GPC1: variants seen among roughly 807,000 people sequenced by gnomAD.
GPC1 encodes the protein glypican 1, also known as glypican-1.
Under a neutral mutation model 51.5 loss-of-function variants are expected in GPC1, and 26 were observed. The observed-to-expected ratio is 0.50, with a 90% CI of 0.37 to 0.70. The LOEUF (loss-of-function observed/expected upper bound fraction) is 0.70. GPC1 is among the 30% of genes least tolerant of loss of function. The pLI is 0.00. For synonymous variants in GPC1, 380 were observed against 348.3 expected, an observed-to-expected ratio of 1.09 and a Z score of -1.01; for missense variants, 775 against 800.5, an observed-to-expected ratio of 0.97 and a Z score of 0.38.
At chr2:240,463,152 C>T (rs527472663) in intron 3 of GPC1, among the ~76,000 whole-genome samples, 195 bp from the exon 4 acceptor site, 31 of 152,168 alleles carry the variant, frequency 2.0e-4, no homozygotes, top group African/African-American at 6.3e-4. Context: ...CTGTGACCCT[C>T]GAGATCATTA....
chr2:240,436,911 C>G (rs1040433451), intron 1 of GPC1, among the ~76,000 whole-genome samples: 1 of 152,398 alleles, frequency 6.6e-6, no homozygotes, highest in African/African-American at 2.4e-5. Context: ...GCGGCTCTGC[C>G]TCTTCCCTCC....
At chr2:240,465,289 C>CAAGGG in intron 7 of GPC1, 79 bp downstream of exon 7, 1 of 1,465,202 alleles carries the variant, frequency 6.8e-7, no homozygotes, top group Non-Finnish European at 9.2e-7. Flanking sequence ...GTGCTGTCTG[C>CAAGGG]ACGGGGCCAC....
intron 1 of GPC1, chr2:240,457,359 G>C (rs2074175771): frequency 2.2e-6 from 1 of 447,736 alleles, no homozygotes; most frequent in Admixed American, 2.4e-5. Flanking sequence ...CCCAAGCCCG[G>C]ATTCGGGTTC....
chr2:240,446,257 G>A (rs115165383), intron 1 of GPC1, among the ~76,000 whole-genome samples: 1,631 of 152,248 alleles, frequency 0.011, 21 homozygotes, highest in African/African-American at 0.037. Context: ...CCTGCCGTGC[G>A]AGTGAGAGGG....
At chr2:240,458,048 G>A (rs1425065092) in intron 1 of GPC1, 1 of 470,964 alleles carries the variant, frequency 2.1e-6, no homozygotes, top group East Asian at 6.9e-5. Context: ...CCGTCAGTGT[G>A]GAGTCCTGAG....
At chr2:240,456,143 T>TCGG (rs1454456445) in intron 1 of GPC1, 1 of 260,866 alleles carries the variant, frequency 3.8e-6, no homozygotes, top group Non-Finnish European at 7.6e-6. Context: ...GGCTGAGGGG[T>TCGG]CGGCGGGGGA....
chr2:240,437,817 C>T (rs918430235), intron 1 of GPC1, among the ~76,000 whole-genome samples: 1 of 152,228 alleles, frequency 6.6e-6, no homozygotes, highest in East Asian at 1.9e-4. Flanking sequence ...GTCCTCTGGG[C>T]AGTTGCATCC....
intron 1 of GPC1, chr2:240,449,317 C>CT (rs1553545804): frequency 7.0e-6 from 1 of 142,834 alleles, no homozygotes; most frequent in Non-Finnish European, 1.5e-5. Flanking sequence ...GCAGGCGCCC[C>CT]CCCCCACCCC....
intron 1 of GPC1, among the ~76,000 whole-genome samples, chr2:240,447,561 G>A (rs561902103): frequency 3.1e-4 from 47 of 152,336 alleles, no homozygotes; most frequent in South Asian, 2.5e-3. Context: ...ACCCTTGGCC[G>A]AGGGCTGGCT....
rs541416018 is a variant in GPC1 at position 240,459,131 on chromosome 2, C to T, written c.268C>T (p.Arg90Trp). Residue 90 changes from arginine (R) to tryptophan (W), a missense_variant, in exon 2 of 9, where the codon CGG becomes TGG. Arg to Trp is a moderately radical substitution (Grantham distance 101). Transcript: ENST00000264039. ...RSHAELETALRDSSRVLQAML... is the reference protein window; with the variant it reads ...RSHAELETALWDSSRVLQAML... ...CCATGCCGAGCTGGAGACCGCGCTC[C>T]GGGACAGCAGCCGCGTCCTGCAGGC... 56 of 1,612,648 alleles carry T rather than the reference C, an allele frequency of 3.5e-5. No individual in the cohort carries two copies. Among genetic ancestry groups the T allele is most frequent in the African/African-American group, 4.0e-5 (3 of 75,052 alleles).
intron 1 of GPC1, among the ~76,000 whole-genome samples, chr2:240,456,336 T>C (rs1017748066): frequency 6.6e-6 from 1 of 151,608 alleles, no homozygotes; most frequent in Non-Finnish European, 1.5e-5. Flanking sequence ...GGGGAGTGGG[T>C]CCGCCGGGAC....
chr2:240,455,312 G>A (rs2074147798), intron 1 of GPC1, among the ~76,000 whole-genome samples: 1 of 152,210 alleles, frequency 6.6e-6, no homozygotes, highest in Non-Finnish European at 1.5e-5. Flanking sequence ...GAGCGCTGTG[G>A]AAGGATGGGT....
rs934046834 is a variant in GPC1 at position 240,448,856 on chromosome 2, T to C, written c.167-10174T>C. On this transcript the variant is annotated intron_variant, in intron 1 of 8. Transcript: ENST00000264039. The surrounding 1 kb of genome is among the most constrained non-coding windows in gnomAD (Gnocchi z 4.5). The stretch of plus-strand genomic sequence containing the variant: ...AATGGGATAGTCAGGCCAGCGAGGG[T>C]GGCCAGGCCTGACCCTAGTTTTGCA... Among the ~76,000 whole-genome samples the C allele has an allele frequency of 2.0e-5, 3 of 151,964 alleles. No individual in the cohort carries two copies. The highest frequency in any genetic ancestry group is 7.3e-5 in the African/African-American group (3 of 41,340).
chr2:240,465,025 G>C, intron 6 of GPC1, 50 bp downstream of exon 6: 1 of 1,576,678 alleles, frequency 6.3e-7, no homozygotes, highest in Non-Finnish European at 8.6e-7. Flanking sequence ...GAGGCAGACA[G>C]GCAGAGGCGG....
At chr2:240,439,477 G>A (rs983442302) in intron 1 of GPC1, among the ~76,000 whole-genome samples, 3 of 152,182 alleles carry the variant, frequency 2.0e-5, no homozygotes, top group Non-Finnish European at 4.4e-5. Flanking sequence ...GTGGCAGCCC[G>A]CCTACCAGCT....
At chr2:240,460,004 C>G (rs1190059820) in intron 2 of GPC1, among the ~76,000 whole-genome samples, 2 of 152,078 alleles carry the variant, frequency 1.3e-5, no homozygotes, top group Non-Finnish European at 2.9e-5. Flanking sequence ...CTGCAGGGCT[C>G]CATTGTGGCT....
At position 240,466,607 on chromosome 2, in the gene GPC1, C is replaced by T. The variant is rs2074263839; in HGVS notation, c.*317C>T. 7 of 361,344 alleles carry T rather than the reference C, an allele frequency of 1.9e-5. No individual in the cohort carries two copies. The South Asian group carries it at 3.3e-4, about 17-fold the overall frequency. 22.4% of individuals were successfully genotyped at this position (361,344 alleles called of 1,614,324 possible). A position where few individuals can be genotyped will look rare whatever the true frequency, so the allele number is the denominator to read the frequency against. On this transcript the variant is annotated 3_prime_UTR_variant, in exon 9 of 9. Transcript: ENST00000264039. ...CTGCACCGCCGCAGAAGCAGCCCCT[C>T]GAGGCCTACAGAGGAGGCCTCAAAG... is the stretch of plus-strand genomic sequence containing the variant.
intron 1 of GPC1, among the ~76,000 whole-genome samples, chr2:240,437,659 C>T (rs898823203): frequency 2.0e-5 from 3 of 152,204 alleles, no homozygotes; most frequent in Non-Finnish European, 4.4e-5. Context: ...TCTACTCACA[C>T]ATAAAGAGGC....
chr2:240,443,951 C>T (rs2074033648), intron 1 of GPC1, among the ~76,000 whole-genome samples: 1 of 152,240 alleles, frequency 6.6e-6, no homozygotes, highest in South Asian at 2.1e-4. Context: ...CCGAGTGACT[C>T]ACTCCTGCTC....
Sources: gnomAD v4.1 joint callset for allele counts (sites outside exome capture counted in the v4.1 genomes callset) on GRCh38, gnomAD v4.1.1 for gene constraint, Gnocchi (gnomAD v3.1) non-coding constraint, MANE v1.5 for transcripts, NCBI Gene and HGNC (gene_info 2026-07-23, HGNC 2026-07-21) for gene names.